Variants in CALD1 observed in about 807,000 individuals in gnomAD.
CALD1 encodes the protein caldesmon 1, also known as caldesmon.
CALD1 carries 33 observed loss-of-function variants against 99.9 expected under a neutral mutation model. That is an observed-to-expected ratio of 0.33 (90% CI 0.25 to 0.44). The LOEUF is 0.44. Among genes scored for constraint, CALD1 ranks in the 20% least tolerant of loss-of-function variants. The probability of loss-of-function intolerance (pLI) is 1.00; values close to 1 mark genes in which losing one functional copy is unlikely to be tolerated. For synonymous variants in CALD1, 310 were observed against 325.0 expected (o/e 0.95, Z 0.50); for missense variants, 861 against 962.1 (o/e 0.89, Z 1.39).
chr7:134,751,589 T>C (rs377378016), intron 1 of CALD1, among the ~76,000 whole-genome samples: 2 of 152,320 alleles, frequency 1.3e-5, no homozygotes, highest in South Asian at 2.1e-4. Context: ...TAAATATCAC[T>C]TCTCTTTATC....
intron 1 of CALD1, among the ~76,000 whole-genome samples, chr7:134,744,882 G>T (rs553170116): frequency 6.8e-4 from 104 of 152,174 alleles, no homozygotes; most frequent in African/African-American, 2.4e-3. Context: ...CCTTTCTCTG[G>T]ACTCTCATAG....
intron 9 of CALD1, among the ~76,000 whole-genome samples, chr7:134,951,655 C>T (rs1365486516): frequency 6.6e-6 from 1 of 152,108 alleles, no homozygotes; most frequent in African/African-American, 2.4e-5. Flanking sequence ...AGCACAGCTC[C>T]TATTTGATGT....
At chr7:134,809,591 G>T (rs1280199329) in intron 1 of CALD1, 2 of 152,296 alleles carry the variant, frequency 1.3e-5, no homozygotes, top group African/African-American at 4.8e-5. Context: ...TCTTTTCCAG[G>T]AGAACTCCAT....
rs144629562 is a variant in CALD1, at chr7:134,753,102, G to C, written c.-130+8739G>C. ...TATTTTCAGACAGAATATAATTAAT[G>C]GAATGCTATATTGGGTCCATGCTGC... On this transcript the variant is annotated intron_variant, in intron 1 of 13. Coordinates refer to the CALD1 transcript ENST00000417172. 8.6e-4 allele frequency among the ~76,000 whole-genome samples: 131 copies of C among 151,890 alleles called. 2 individuals are homozygous for C. Among genetic ancestry groups the C allele is most frequent in the African/African-American group, 3.1e-3 (129 of 41,442 alleles).
intron 3 of CALD1, chr7:134,891,600 C>T (rs1279835112): frequency 1.2e-6 from 2 of 1,604,058 alleles, no homozygotes; most frequent in Non-Finnish European, 8.5e-7. Flanking sequence ...TCTGCCCCGC[C>T]GCCCCTTCCC....
At position 134,940,427 on chromosome 7, in the gene CALD1, C is replaced by T. The variant is rs867718370; in HGVS notation, c.1387-665C>T. On this transcript the variant is annotated intron_variant, in intron 6 of 14. Coordinates refer to ENST00000361675, the MANE Select transcript of CALD1 (RefSeq NM_033138.4). The stretch of plus-strand genomic sequence containing the variant: ...CTAAATTTTTATTGACAATGGAAAT[C>T]AAGGTAAACCCTGGAATTTTTCCTA... Among the ~76,000 whole-genome samples the T allele has an allele frequency of 3.3e-5, 5 of 152,118 alleles. No homozygotes were observed. In the South Asian group the frequency reaches 6.2e-4, roughly 19 times the overall value.
chr7:134,738,330 T>C, the CALD1 span, among the ~76,000 whole-genome samples: 2 of 152,372 alleles, frequency 1.3e-5, no homozygotes, highest in East Asian at 3.9e-4. Flanking sequence ...TGTTTTGTTA[T>C]ATTTGATCCT....
At chr7:134,954,022 G>A (rs749791406) in intron 9 of CALD1, among the ~76,000 whole-genome samples, 11 of 152,066 alleles carry the variant, frequency 7.2e-5, no homozygotes, top group East Asian at 3.9e-4. Context: ...AATGTAATTG[G>A]GATAGCTATT....
intron 1 of CALD1, among the ~76,000 whole-genome samples, chr7:134,767,140 C>T (rs967579409): frequency 1.2e-4 from 18 of 152,014 alleles, no homozygotes; most frequent in African/African-American, 3.9e-4. Flanking sequence ...GACCGCGAAG[C>T]TGCAAAGATA....
chr7:134,884,580 C>T (rs78806341), intron 3 of CALD1, among the ~76,000 whole-genome samples: 5 of 150,476 alleles, frequency 3.3e-5, no homozygotes, highest in African/African-American at 7.4e-5. Flanking sequence ...TGATACCTGT[C>T]GATTCTGGAC....
chr7:134,754,676 T>C (rs1243508549), intron 1 of CALD1, among the ~76,000 whole-genome samples: 1 of 152,332 alleles, frequency 6.6e-6, no homozygotes, highest in East Asian at 1.9e-4. Context: ...GGAAAATTAC[T>C]TTTTTTCACT....
chr7:134,840,434 G>A (rs1309468380), intron 1 of CALD1, among the ~76,000 whole-genome samples: 9 of 152,094 alleles, frequency 5.9e-5, no homozygotes, highest in East Asian at 1.9e-4. Context: ...CTCCTTCTCC[G>A]TGGCTGAACT....
rs546565853 is a variant in CALD1, at chr7:134,831,760, C to T, written c.-129-12124C>T. 2.6e-5 allele frequency among the ~76,000 whole-genome samples: 4 copies of T among 152,250 alleles called. No individual in the cohort carries two copies. The South Asian group carries it at 8.3e-4, about 32-fold the overall frequency. On this transcript the variant is annotated intron_variant, in intron 1 of 14. Transcript: ENST00000361675. ...TGTTAGTGGAAGAGATCCGAGTTATCTGCGAGTTACCGGCGGCGAATCTGT... is the reference window on the plus strand; with the variant it reads ...TGTTAGTGGAAGAGATCCGAGTTATTTGCGAGTTACCGGCGGCGAATCTGT...
rs189385810 is a variant in CALD1, at chr7:134,946,709, C to T, written c.1533-799C>T. Among the ~76,000 whole-genome samples, 12 of 149,384 alleles carry T rather than the reference C, an allele frequency of 8.0e-5. No individual in the cohort carries two copies. In the South Asian group the frequency reaches 1.5e-3, roughly 18 times the overall value. On this transcript the variant is annotated intron_variant, in intron 7 of 14. Transcript: ENST00000361675. ...TCTCTTTTTTTCTTACAGACAGAGT[C>T]TCGCTTTGTTGCCCAGGCTGGAGTG... is the stretch of plus-strand genomic sequence containing the variant.
intron 3 of CALD1, among the ~76,000 whole-genome samples, chr7:134,914,827 C>T (rs750725175): frequency 3.9e-5 from 6 of 152,216 alleles, no homozygotes; most frequent in Non-Finnish European, 8.8e-5. Context: ...CTGGAATTGC[C>T]TTCTTCCTCC....
At chr7:134,728,646 T>C in the CALD1 span, among the ~76,000 whole-genome samples, 6 of 152,268 alleles carry the variant, frequency 3.9e-5, no homozygotes, top group South Asian at 1.2e-3. Context: ...TTCTTCTTAA[T>C]TCAAAGGAAG....
chr7:134,951,336 T>C (rs1267898417), intron 9 of CALD1, among the ~76,000 whole-genome samples: 1 of 152,248 alleles, frequency 6.6e-6, no homozygotes, highest in African/African-American at 2.4e-5. Context: ...GTTTATTAGA[T>C]GCTTTGGCAT....
At chr7:134,848,902 C>T (rs900627637) in intron 2 of CALD1, among the ~76,000 whole-genome samples, 1 of 152,196 alleles carries the variant, frequency 6.6e-6, no homozygotes, top group African/African-American at 2.4e-5. Flanking sequence ...CTTAAATATG[C>T]ATATTCAGTC....
At chr7:134,923,270 G>C (rs559412082) in intron 3 of CALD1, among the ~76,000 whole-genome samples, 1 of 152,308 alleles carries the variant, frequency 6.6e-6, no homozygotes, top group Admixed American at 6.5e-5. Context: ...AGCATAGGTG[G>C]GAAGTTCATG....
Sources: gnomAD v4.1 joint callset for allele counts (sites outside exome capture counted in the v4.1 genomes callset) on GRCh38, gnomAD v4.1.1 for gene constraint, MANE v1.5 for transcripts, NCBI Gene and HGNC (gene_info 2026-07-23, HGNC 2026-07-21) for gene names.